Variants in NPAS3 observed in about 807,000 individuals in gnomAD.
NPAS3 encodes the protein neuronal PAS domain protein 3.
In NPAS3, 14 loss-of-function variants were observed where a neutral mutation model predicts 73.1. The ratio of observed to expected loss-of-function variants is 0.19; its 90% CI spans 0.13 to 0.30. The LOEUF (loss-of-function observed/expected upper bound fraction) is 0.30, where lower values mean the gene tolerates loss of function less well. NPAS3 is among the 10% of genes least tolerant of loss of function. The pLI is 1.00. For missense variants in NPAS3, 1,096 were observed against 1,250.0 expected (o/e 0.88, Z 1.86); for synonymous variants, 620 against 541.5 (o/e 1.14, Z -2.01).
At chr14:33,363,131 C>T (rs944462330) in intron 3 of NPAS3, among the ~76,000 whole-genome samples, 16 of 152,146 alleles carry the variant, frequency 1.1e-4, no homozygotes, top group African/African-American at 3.9e-4. Flanking sequence ...GCTGACCTTT[C>T]GGCTGAATAG....
At chr14:33,319,910 C>A (rs919965795) in intron 3 of NPAS3, among the ~76,000 whole-genome samples, 1 of 152,074 alleles carries the variant, frequency 6.6e-6, no homozygotes, top group Non-Finnish European at 1.5e-5. Flanking sequence ...GTTCATGGCA[C>A]GTGGTAGGTA....
chr14:33,502,119 T>C (rs2052545838), intron 4 of NPAS3, among the ~76,000 whole-genome samples: 1 of 151,940 alleles, frequency 6.6e-6, no homozygotes, highest in South Asian at 2.1e-4. Flanking sequence ...TTTGTACTTA[T>C]TTTAACACCC....
At chr14:33,228,843 A>T (rs1843212603) in intron 3 of NPAS3, among the ~76,000 whole-genome samples, 1 of 152,230 alleles carries the variant, frequency 6.6e-6, no homozygotes, top group African/African-American at 2.4e-5. Flanking sequence ...AAAAGACGGT[A>T]GTCCTTATTA....
chr14:33,605,703 A>G (rs1338012992), intron 5 of NPAS3, among the ~76,000 whole-genome samples: 1 of 152,214 alleles, frequency 6.6e-6, no homozygotes, highest in African/African-American at 2.4e-5. Flanking sequence ...ATTAAAAACT[A>G]TAGAACATTG....
At chr14:33,446,201 C>T (rs2049491410) in intron 4 of NPAS3, among the ~76,000 whole-genome samples, 1 of 138,818 alleles carries the variant, frequency 7.2e-6, no homozygotes, top group African/African-American at 2.7e-5. Flanking sequence ...CGGAGTCTCG[C>T]TCTGTCGCCC....
At chr14:33,303,109 T>C (rs999853317) in intron 3 of NPAS3, among the ~76,000 whole-genome samples, 2 of 152,150 alleles carry the variant, frequency 1.3e-5, no homozygotes, top group African/African-American at 2.4e-5. Context: ...TAATACAAAA[T>C]GTACTTTGGA....
At position 33,610,029 on chromosome 14, in the gene NPAS3, A is replaced by C. The variant is rs137866605; in HGVS notation, c.558+49819A>C. On this transcript the variant is annotated intron_variant, in intron 5 of 11. Coordinates refer to ENST00000356141, the Ensembl canonical transcript of NPAS3. ...TAGGAGGGTTGTTGTCTAATCTTTTAAGTCATTTTCTGACTATCACTAACT... is the reference window on the plus strand; with the variant it reads ...TAGGAGGGTTGTTGTCTAATCTTTTCAGTCATTTTCTGACTATCACTAACT... Among the ~76,000 whole-genome samples, 1,291 of 152,312 alleles carry C rather than the reference A, an allele frequency of 8.5e-3. 10 individuals carry two copies. The highest frequency in any genetic ancestry group is 0.017 in the Admixed American group (262 of 15,294).
chr14:32,993,037 C>G (rs2038399780), intron 1 of NPAS3, among the ~76,000 whole-genome samples: 2 of 151,584 alleles, frequency 1.3e-5, no homozygotes, highest in African/African-American at 4.9e-5. Flanking sequence ...GCACCTGTTG[C>G]TACTTGGGAG....
At chr14:33,024,177 TA>T (rs2039715972) in intron 1 of NPAS3, among the ~76,000 whole-genome samples, 1 of 151,262 alleles carries the variant, frequency 6.6e-6, no homozygotes, top group Non-Finnish European at 1.5e-5. Flanking sequence ...TGTGTATGTA[TA>T]TTCCCCCCAC....
chr14:33,402,953 G>A lies in NPAS3; in HGVS notation c.468+35685G>A, dbSNP rs143131934. Among the ~76,000 whole-genome samples the A allele has an allele frequency of 2.7e-3, 416 of 152,268 alleles. 1 individual carries two copies. The highest frequency in any genetic ancestry group is 4.8e-3 in the Non-Finnish European group (328 of 68,000). On this transcript the variant is annotated intron_variant, in intron 4 of 11. Transcript: ENST00000356141. ...GAGAGTCCCTAGCTATCAGTATGTG[G>A]AATAATGCTGGGGAGTGGTATCTTC...
At chr14:33,789,442 C>T (rs2063280882) in intron 9 of NPAS3, among the ~76,000 whole-genome samples, 1 of 152,164 alleles carries the variant, frequency 6.6e-6, no homozygotes. Context: ...CCAGTTACGT[C>T]TGGGACCTTT....
rs973998606 is a variant in NPAS3 at position 33,473,266 on chromosome 14, A to C, written c.469-86855A>C. On this transcript the variant is annotated intron_variant, in intron 4 of 11. Transcript: ENST00000356141. ...TAGGCATTTAAAACATATAAATGCA[A>C]GGCCTCACTCAGACCTCCTGAGTCT... is the stretch of plus-strand genomic sequence containing the variant. Among the ~76,000 whole-genome samples the C allele has an allele frequency of 2.0e-5, 3 of 152,192 alleles. No homozygotes were observed. The East Asian group carries it at 5.8e-4, about 29-fold the overall frequency.
At chr14:33,159,043 A>AT (rs1192844232) in intron 2 of NPAS3, among the ~76,000 whole-genome samples, 2 of 152,070 alleles carry the variant, frequency 1.3e-5, no homozygotes, top group Non-Finnish European at 2.9e-5. Flanking sequence ...CATGCCTGTA[A>AT]TCCCAACTAC....
At chr14:33,163,887 G>A (rs2045017640) in intron 2 of NPAS3, among the ~76,000 whole-genome samples, 2 of 152,138 alleles carry the variant, frequency 1.3e-5, no homozygotes, top group Non-Finnish European at 2.9e-5. Context: ...CTTTCAGCAG[G>A]TGGCTTGAAC....
intron 5 of NPAS3, chr14:33,610,954 T>A (rs2057729909): frequency 6.6e-6 from 1 of 152,220 alleles, no homozygotes; most frequent in Admixed American, 6.5e-5. Context: ...ATCGCTGTTT[T>A]TCTCTTCATC....
chr14:33,621,350 G>A (rs892015885), intron 5 of NPAS3, among the ~76,000 whole-genome samples: 5 of 152,134 alleles, frequency 3.3e-5, no homozygotes, highest in African/African-American at 1.2e-4. Context: ...CTAAAAGATA[G>A]GGATGCCAAA....
intron 4 of NPAS3, among the ~76,000 whole-genome samples, chr14:33,425,246 TAAG>T (rs2048508524): frequency 6.6e-6 from 1 of 151,906 alleles, no homozygotes; most frequent in African/African-American, 2.4e-5. Flanking sequence ...CAATAGGAGA[TAAG>T]GAGATGGAGG....
At position 33,091,642 on chromosome 14, in the gene NPAS3, A is replaced by G. The variant is rs182012533; in HGVS notation, c.140+35648A>G. Among the ~76,000 whole-genome samples, 625 of 152,354 alleles carry G rather than the reference A, an allele frequency of 4.1e-3. 3 individuals carry two copies. The highest frequency in any genetic ancestry group is 6.7e-3 in the Non-Finnish European group (457 of 68,040). On this transcript the variant is annotated intron_variant, in intron 2 of 11. Transcript: ENST00000356141. ...GGAATGAGGCCAGCATCATCCTGATACCAAAGCCTGGTGGAGACACAACAA... is the reference window on the plus strand; with the variant it reads ...GGAATGAGGCCAGCATCATCCTGATGCCAAAGCCTGGTGGAGACACAACAA...
chr14:33,761,368 G>C (rs1482287282), intron 7 of NPAS3, among the ~76,000 whole-genome samples: 1 of 152,164 alleles, frequency 6.6e-6, no homozygotes, highest in African/African-American at 2.4e-5. Context: ...GTGGAAGTCT[G>C]CATATGAGCA....
Sources: allele counts gnomAD v4.1 joint callset (sites outside exome capture counted in the v4.1 genomes callset), GRCh38; gene constraint gnomAD v4.1.1; transcripts MANE v1.5; gene names NCBI Gene and HGNC (gene_info 2026-07-23, HGNC 2026-07-21).